The following MMP12 variants were observed in gnomAD, a reference collection of about 807,000 sequenced individuals.
MMP12 encodes matrix metallopeptidase 12, also known as macrophage metalloelastase.
A neutral mutation model predicts 45.2 loss-of-function variants in MMP12; 51 were observed. The ratio of observed to expected loss-of-function variants is 1.13; its 90% CI spans 0.90 to 1.42. The LOEUF (loss-of-function observed/expected upper bound fraction) is 1.42, where lower values mean the gene tolerates loss of function less well. MMP12 is among the 40% of genes most tolerant of loss of function. MMP12 has a pLI of 0.00. For missense variants in MMP12, 530 were observed against 570.8 expected, an observed-to-expected ratio of 0.93 and a Z score of 0.73; for synonymous variants, 210 against 193.3, an observed-to-expected ratio of 1.09 and a Z score of -0.72.
At position 102,864,222 on chromosome 11, in the gene MMP12, AG is replaced by A; in HGVS notation, c.1235del (p.Pro412LeufsTer6). 1 of 1,613,814 alleles carries A rather than the reference AG, an allele frequency of 6.2e-7. No homozygotes were observed. Among genetic ancestry groups the A allele is most frequent in the Non-Finnish European group, 8.5e-7 (1 of 1,179,770 alleles). ...RYDERRQMMD[P>X]GYPKLITKNF... ...TCTTGGTAATCAGTTTGGGATAACCAGGGTCCATCATCTGTCTCCTTTCATC... is the reference window on the plus strand; with the variant it reads ...TCTTGGTAATCAGTTTGGGATAACCAGGTCCATCATCTGTCTCCTTTCATC... On this transcript the variant is annotated frameshift_variant, in exon 9 of 10. Coordinates refer to ENST00000571244, the MANE Select transcript of MMP12 (RefSeq NM_002426.6). LOFTEE classifies it high-confidence loss of function.
chr11:102,874,443 G>A (rs1859557955), intron 1 of MMP12, among the ~76,000 whole-genome samples: 1 of 152,152 alleles, frequency 6.6e-6, no homozygotes, highest in African/African-American at 2.4e-5. Context: ...AAGGGAATAT[G>A]CTTAAATTAT....
rs1555009396 is a variant in MMP12 at position 102,871,801 on chromosome 11, T to C, written c.499+3A>G. The stretch of plus-strand genomic sequence containing the variant: ...TGACAAAGATGAAATACAAGTTCCC[T>C]ACCTCCACGGGCAAAAACCACCAAA... On this transcript the variant is annotated splice_donor_region_variant and intron_variant, in intron 3 of 9. Coordinates refer to ENST00000571244, the MANE Select transcript of MMP12 (RefSeq NM_002426.6). The C allele has an allele frequency of 6.2e-7, 1 of 1,613,234 alleles. No homozygotes were observed. The highest frequency in any genetic ancestry group is 1.1e-5 in the South Asian group (1 of 90,870).
chr11:102,873,954 A>G (rs1555009760), intron 1 of MMP12, among the ~76,000 whole-genome samples: 1 of 150,208 alleles, frequency 6.7e-6, no homozygotes, highest in Non-Finnish European at 1.5e-5. Context: ...ACCTGAACCC[A>G]GGAGACGGAG....
chr11:102,871,813 CA>C lies in MMP12; in HGVS notation c.489del (p.Phe163LeufsTer19). 6.2e-7 allele frequency: 1 copy of C among 1,613,046 alleles called. No individual in the cohort carries two copies. The highest frequency in any genetic ancestry group is 8.5e-7 in the Non-Finnish European group (1 of 1,179,502). On this transcript the variant is annotated frameshift_variant, in exon 3 of 10. Transcript: ENST00000571244. LOFTEE classifies it high-confidence loss of function. ...NTGMADILVV[F>X]ARGAHGDFHA... ...AATACAAGTTCCCTACCTCCACGGGCAAAAACCACCAAAATGTCAGCCATGC... is the reference window on the plus strand; with the variant it reads ...AATACAAGTTCCCTACCTCCACGGGCAAAACCACCAAAATGTCAGCCATGC...
At chr11:102,864,086 G>A (rs1859340263) in intron 9 of MMP12, 60 bp downstream of exon 9, 2 of 1,278,076 alleles carry the variant, frequency 1.6e-6, no homozygotes, top group African/African-American at 2.9e-5. Flanking sequence ...TCTAATCTTA[G>A]AGGATTTATA....
intron 1 of MMP12, 136 bp from the exon 2 acceptor site, chr11:102,873,248 AT>A: frequency 1.3e-6 from 1 of 785,572 alleles, no homozygotes; most frequent in Non-Finnish European, 2.0e-6. Flanking sequence ...AGGTTAGATT[AT>A]TGTTTTTTGG....
Position 102,862,858 on chromosome 11 carries a change from ATTCTCT to A in MMP12, c.*236_*241del. Reference sequence around the variant, plus strand: ...ACTTACAGAGCATGCTTCAAATAGAATTCTCTTGGCCTTTGAAGGTAACTATTTTCA... The same window carrying A: ...ACTTACAGAGCATGCTTCAAATAGAATGGCCTTTGAAGGTAACTATTTTCA... On this transcript the variant is annotated 3_prime_UTR_variant, in exon 10 of 10. Coordinates refer to ENST00000571244, the MANE Select transcript of MMP12 (RefSeq NM_002426.6). 1 of 288,412 alleles carries A rather than the reference ATTCTCT, an allele frequency of 3.5e-6. No individual in the cohort carries two copies. The highest frequency in any genetic ancestry group is 6.3e-6 in the Non-Finnish European group (1 of 158,344). The allele number at this position is 288,412 out of a possible 1,614,324, so 17.9% of individuals were successfully genotyped here. A position where few individuals can be genotyped will look rare whatever the true frequency, so the allele number is the denominator to read the frequency against.
intron 4 of MMP12, among the ~76,000 whole-genome samples, chr11:102,869,146 T>A (rs1356175102): frequency 1.3e-5 from 2 of 152,224 alleles, no homozygotes; most frequent in Admixed American, 1.3e-4. Context: ...CCTAGTCCAA[T>A]GCCTTCATTT....
rs1859378450 is a variant in MMP12 at position 102,865,917 on chromosome 11, A to G, written c.1064T>C (p.Ile355Thr). 1 of 1,611,398 alleles carries G rather than the reference A, an allele frequency of 6.2e-7. No individual in the cohort carries two copies. Among genetic ancestry groups the G allele is most frequent in the Non-Finnish European group, 8.5e-7 (1 of 1,178,350 alleles). ...FLFKDDKYWL[I>T]SNLRPEPNYP... ...ATTTGGCTCTGGTCTTAAATTGCTA[A>G]TTAACCAGTATTTGTCATCTGTGAA... Residue 355 changes from isoleucine (I) to threonine (T), a missense_variant, in exon 8 of 10, where the codon ATT (isoleucine) becomes ACT (threonine). Transcript: ENST00000571244. This position sits in a 1 kb window ranked among gnomAD's most constrained non-coding sequence, Gnocchi z 4.1.
At chr11:102,867,816 G>T in intron 5 of MMP12, 92 bp downstream of exon 5, 1 of 1,331,996 alleles carries the variant, frequency 7.5e-7, no homozygotes, top group Non-Finnish European at 1.0e-6. Context: ...AAAAAAGACA[G>T]ATATTAACGT....
Position 102,867,313 on chromosome 11 carries a change from C to G in MMP12, c.868G>C (p.Ala290Pro). The change falls in exon 6 of 10, where the codon GCT becomes CCT. Residue 290 changes from alanine (A) to proline (P), a missense_variant. Physicochemically the swap from Ala to Pro is conservative, Grantham distance 27. Coordinates refer to ENST00000571244, the MANE Select transcript of MMP12 (RefSeq NM_002426.6). ...ALCDPNLSFD[A>P]VTTVGNKIFF... ...ATCTTATTTCCCACGGTAGTGACAGCATCAAAACTCAAATTGGGGTCACAG... is the reference window on the plus strand; with the variant it reads ...ATCTTATTTCCCACGGTAGTGACAGGATCAAAACTCAAATTGGGGTCACAG... 6.2e-7 allele frequency: 1 copy of G among 1,609,774 alleles called. No homozygotes were observed. Among genetic ancestry groups the G allele is most frequent in the Non-Finnish European group, 8.5e-7 (1 of 1,177,922 alleles).
At position 102,864,146 on chromosome 11, in the gene MMP12, T is replaced by A; in HGVS notation, c.1312A>T (p.Lys438Ter). The change falls in exon 9 of 10, where the codon AAA (lysine) becomes TAA (stop). Residue 438 changes from lysine to a stop codon, truncating the protein, a stop_gained and splice_region_variant. Transcript: ENST00000571244. LOFTEE classifies it low-confidence loss of function (END_TRUNC). ...CTTCATGGTTTCCTCATCTACTTAC[T>A]GTTTTTAGAGTAGAAGACTGCATCA... ...KIDAVFYSKN[K>*]YYYFFQGSNQ... 1 of 1,586,676 alleles carries A rather than the reference T, an allele frequency of 6.3e-7. No individual in the cohort carries two copies. The highest frequency in any genetic ancestry group is 1.1e-5 in the South Asian group (1 of 90,488).
intron 2 of MMP12, 47 bp downstream of exon 2, chr11:102,872,818 A>T: frequency 6.3e-7 from 1 of 1,599,690 alleles, no homozygotes. Context: ...TAGAAGTCAG[A>T]CCTATGGGAA....
At position 102,872,877 on chromosome 11, in the gene MMP12, T is replaced by A; in HGVS notation, c.338A>T (p.Tyr113Phe). The A allele has an allele frequency of 1.2e-6, 2 of 1,613,828 alleles. No individual in the cohort carries two copies. Among genetic ancestry groups the A allele is most frequent in the Non-Finnish European group, 1.7e-6 (2 of 1,179,854 alleles). Residue 113 changes from tyrosine (Y) to phenylalanine (F), a missense_variant, in exon 2 of 10, where the codon TAT becomes TTT. Coordinates refer to ENST00000571244, the MANE Select transcript of MMP12 (RefSeq NM_002426.6). The part of the protein sequence containing the change: ...MPGGPVWRKH[Y>F]ITYRINNYTP... ...ACACCAACGTTACCTGTAGGTGATA[T>A]AATGTTTCCTCCATACGGGCCCCCC...
chr11:102,871,466 T>G (rs1444705604), intron 4 of MMP12, 128 bp downstream of exon 4: 1 of 1,202,190 alleles, frequency 8.3e-7, no homozygotes, highest in African/African-American at 1.5e-5. Context: ...GAACAAGATT[T>G]TCCATCATAT....
intron 1 of MMP12, among the ~76,000 whole-genome samples, chr11:102,874,253 C>T (rs148251753): frequency 2.6e-3 from 399 of 151,910 alleles, no homozygotes; most frequent in African/African-American, 9.0e-3. Context: ...ATAAAGAATG[C>T]TATAAAGATG....
At position 102,865,747 on chromosome 11, in the gene MMP12, G is replaced by GGGTC. The variant is rs537144692; in HGVS notation, c.1205+25_1205+28dup. ...TTCCATATCTGTTTCACAATCTGAG[G>GGGTC]GGTCGAATGACCAACCATTAAAACT... On this transcript the variant is annotated intron_variant, in intron 8 of 9. Coordinates refer to ENST00000571244, the MANE Select transcript of MMP12 (RefSeq NM_002426.6). This position sits in a 1 kb window ranked among gnomAD's most constrained non-coding sequence, Gnocchi z 4.1. 1.9e-4 allele frequency: 303 copies of GGGTC among 1,575,240 alleles called. No homozygotes were observed. In the African/African-American group the frequency reaches 3.9e-3, roughly 20 times the overall value.
intron 9 of MMP12, 116 bp from the exon 10 acceptor site, chr11:102,863,316 G>T: frequency 1.7e-6 from 1 of 600,772 alleles, no homozygotes; most frequent in East Asian, 3.1e-5. Flanking sequence ...TATGGGCTGT[G>T]GTTCATGCCC....
At chr11:102,866,250 G>A in intron 7 of MMP12, 65 bp downstream of exon 7, 1 of 1,424,534 alleles carries the variant, frequency 7.0e-7, no homozygotes, top group Non-Finnish European at 9.4e-7. Flanking sequence ...AAAAGTAGTA[G>A]TCTCTTCTCA....
Sources: gnomAD v4.1 joint callset for allele counts (sites outside exome capture counted in the v4.1 genomes callset) on GRCh38, gnomAD v4.1.1 for gene constraint, Gnocchi (gnomAD v3.1) non-coding constraint, MANE v1.5 for transcripts, NCBI Gene and HGNC (gene_info 2026-07-23, HGNC 2026-07-21) for gene names.